The following CCDC178 variants were observed in gnomAD, a reference collection of about 807,000 sequenced individuals.
CCDC178 encodes the protein coiled-coil domain-containing protein 178.
A neutral mutation model predicts 117.4 loss-of-function variants in CCDC178; 126 were observed. That is an observed-to-expected ratio of 1.07 (90% confidence interval 0.93 to 1.24). The LOEUF is 1.24. Ranked by LOEUF, CCDC178 falls within the 50% of genes most tolerant of loss-of-function variation. The pLI, the probability that CCDC178 is intolerant of heterozygous loss-of-function variation, is 0.00. For missense variants in CCDC178, 1,030 were observed against 986.9 expected (o/e 1.04, Z -0.59); for synonymous variants, 283 against 313.4 (o/e 0.90, Z 1.02).
chr18:33,018,032 T>C (rs1230004629), intron 21 of CCDC178, among the ~76,000 whole-genome samples: 2 of 152,050 alleles, frequency 1.3e-5, no homozygotes, highest in African/African-American at 2.4e-5. Context: ...GAAAACCTTA[T>C]AGCTGATGAA....
intron 21 of CCDC178, among the ~76,000 whole-genome samples, chr18:33,047,313 A>C (rs939076398): frequency 6.6e-6 from 1 of 152,188 alleles, no homozygotes; most frequent in Non-Finnish European, 1.5e-5. Context: ...GTTTAAGTTC[A>C]TTCCTTTTCT....
chr18:33,322,224 T>A (rs892576565), intron 11 of CCDC178, among the ~76,000 whole-genome samples: 4 of 151,846 alleles, frequency 2.6e-5, no homozygotes, highest in Admixed American at 1.3e-4. Flanking sequence ...TAAAAAAAAA[T>A]TAATAAATGG....
At chr18:33,314,281 T>C (rs962669165) in intron 11 of CCDC178, among the ~76,000 whole-genome samples, 3 of 135,938 alleles carry the variant, frequency 2.2e-5, no homozygotes, top group South Asian at 2.5e-4. Context: ...AAAGTGGTAA[T>C]AGACTAGCAT....
intron 5 of CCDC178, among the ~76,000 whole-genome samples, chr18:33,384,219 A>T (rs1435345983): frequency 1.3e-5 from 2 of 152,194 alleles, no homozygotes; most frequent in Non-Finnish European, 2.9e-5. Context: ...TTATGTAAAG[A>T]GACCAAATCT....
At chr18:32,982,597 A>T (rs957026468) in intron 21 of CCDC178, among the ~76,000 whole-genome samples, 1 of 152,130 alleles carries the variant, frequency 6.6e-6, no homozygotes, top group Non-Finnish European at 1.5e-5. Flanking sequence ...TGGATGAAAA[A>T]CATCTTTATA....
At chr18:33,385,544 CAAG>C (rs2063483105) in intron 5 of CCDC178, among the ~76,000 whole-genome samples, 1 of 152,094 alleles carries the variant, frequency 6.6e-6, no homozygotes, top group South Asian at 2.1e-4. Flanking sequence ...AATTAGAACT[CAAG>C]ATTAAAAAGC....
intron 11 of CCDC178, among the ~76,000 whole-genome samples, chr18:33,305,986 T>C (rs2062242719): frequency 6.6e-6 from 1 of 152,162 alleles, no homozygotes; most frequent in Non-Finnish European, 1.5e-5. Flanking sequence ...ATTGGTTTTC[T>C]GCATAGTAAG....
At chr18:33,399,889 T>C (rs2063687868) in intron 3 of CCDC178, among the ~76,000 whole-genome samples, 1 of 152,140 alleles carries the variant, frequency 6.6e-6, no homozygotes, top group Non-Finnish European at 1.5e-5. Context: ...TTTACCCAGA[T>C]CCATCAGAGG....
intron 9 of CCDC178, among the ~76,000 whole-genome samples, chr18:33,339,453 A>G (rs2062785155): frequency 6.6e-6 from 1 of 151,302 alleles, no homozygotes; most frequent in Non-Finnish European, 1.5e-5. Flanking sequence ...GAATTTCATG[A>G]AAACATTTAG....
rs551505719 is a variant in CCDC178, at chr18:33,188,873, A to G, written c.2238+23023T>C. Reference sequence around the variant, plus strand: ...GTTATGGCAGCAATAGAAAATGACTACAGTGGTTCAAGTATTAAGGGATAG... The same window carrying G: ...GTTATGGCAGCAATAGAAAATGACTGCAGTGGTTCAAGTATTAAGGGATAG... On this transcript the variant is annotated intron_variant, in intron 20 of 22. Coordinates refer to ENST00000383096, the MANE Select transcript of CCDC178 (RefSeq NM_001105528.4). Among the ~76,000 whole-genome samples the G allele has an allele frequency of 3.2e-4, 48 of 152,344 alleles. No individual in the cohort carries two copies. The South Asian group carries it at 9.7e-3, about 31-fold the overall frequency.
intron 14 of CCDC178, among the ~76,000 whole-genome samples, chr18:33,263,907 T>C (rs745489810): frequency 6.7e-6 from 1 of 150,188 alleles, no homozygotes; most frequent in Admixed American, 6.6e-5. Flanking sequence ...GGACTACACA[T>C]GGTTAAAAAA....
At chr18:33,398,477 C>T (rs144135638) in intron 3 of CCDC178, among the ~76,000 whole-genome samples, 26 of 152,020 alleles carry the variant, frequency 1.7e-4, no homozygotes, top group Admixed American at 3.9e-4. Flanking sequence ...CAGAATATCC[C>T]GAAGTTCAGC....
chr18:32,986,399 C>G (rs2055264345), intron 21 of CCDC178, among the ~76,000 whole-genome samples: 1 of 151,936 alleles, frequency 6.6e-6, no homozygotes, highest in African/African-American at 2.4e-5. Flanking sequence ...CAAATTGTCT[C>G]TGGAAAAAAG....
At chr18:33,154,849 T>C (rs1429528349) in intron 20 of CCDC178, among the ~76,000 whole-genome samples, 1 of 152,078 alleles carries the variant, frequency 6.6e-6, no homozygotes, top group African/African-American at 2.4e-5. Context: ...ATAACAGTCA[T>C]AAATATGTAT....
chr18:32,970,645 T>A (rs566839859), intron 22 of CCDC178, among the ~76,000 whole-genome samples: 1 of 152,188 alleles, frequency 6.6e-6, no homozygotes, highest in South Asian at 2.1e-4. Flanking sequence ...CACTCTAGCA[T>A]GTTTTCCTTT....
chr18:33,059,726 C>G (rs1249791799), intron 21 of CCDC178, among the ~76,000 whole-genome samples: 3 of 151,896 alleles, frequency 2.0e-5, no homozygotes, highest in Non-Finnish European at 4.4e-5. Flanking sequence ...ATATTTCACT[C>G]TATCCTAAGT....
chr18:32,958,628 C>T (rs538629775), intron 22 of CCDC178, among the ~76,000 whole-genome samples: 4 of 152,252 alleles, frequency 2.6e-5, no homozygotes, highest in East Asian at 3.9e-4. Flanking sequence ...AGATGTTTGA[C>T]GAAGTCAGGG....
At chr18:33,105,903 GA>G (rs1474449050) in intron 20 of CCDC178, among the ~76,000 whole-genome samples, 2 of 151,576 alleles carry the variant, frequency 1.3e-5, no homozygotes, top group East Asian at 3.9e-4. Context: ...AGTTTCACAT[GA>G]AATGACTGTA....
At chr18:33,142,893 C>G (rs2058224244) in intron 20 of CCDC178, among the ~76,000 whole-genome samples, 1 of 152,116 alleles carries the variant, frequency 6.6e-6, no homozygotes, top group Non-Finnish European at 1.5e-5. Context: ...ATCCCCTGAG[C>G]TGCTTGGGAG....
Sources: gnomAD v4.1 joint callset for allele counts (sites outside exome capture counted in the v4.1 genomes callset) on GRCh38, gnomAD v4.1.1 for gene constraint, MANE v1.5 for transcripts, NCBI Gene and HGNC (gene_info 2026-07-23, HGNC 2026-07-21) for gene names.